IFNAR2: variants seen among roughly 807,000 people sequenced by gnomAD.
The protein encoded by IFNAR2 is interferon alpha/beta receptor 2.
Under a neutral mutation model 49.4 loss-of-function variants are expected in IFNAR2, and 30 were observed. The ratio of observed to expected loss-of-function variants is 0.61; its 90% CI spans 0.45 to 0.82. The LOEUF (loss-of-function observed/expected upper bound fraction) is 0.82. Among genes scored for constraint, IFNAR2 ranks in the 40% least tolerant of loss-of-function variants. The pLI is 0.00. For missense variants in IFNAR2, 600 were observed against 622.7 expected, an observed-to-expected ratio of 0.96 and a Z score of 0.39; for synonymous variants, 224 against 234.5, an observed-to-expected ratio of 0.96 and a Z score of 0.41.
intron 5 of IFNAR2, 54 bp from the exon 6 acceptor site, chr21:33,248,655 G>A (rs1987619319): frequency 3.3e-6 from 5 of 1,509,726 alleles, no homozygotes; most frequent in Non-Finnish European, 4.4e-6. Context: ...TAGACTTTGT[G>A]GGCCACATAT....
At chr21:33,231,061 C>T (rs1986026296) in intron 1 of IFNAR2, among the ~76,000 whole-genome samples, 1 of 151,962 alleles carries the variant, frequency 6.6e-6, no homozygotes, top group Non-Finnish European at 1.5e-5. Context: ...ACGAATATAG[C>T]ATGCTTGGGC....
chr21:33,243,833 T>C (rs1987183201), intron 3 of IFNAR2, 119 bp downstream of exon 3: 2 of 804,336 alleles, frequency 2.5e-6, no homozygotes, highest in Non-Finnish European at 4.4e-6. Flanking sequence ...TTGCCTGTTT[T>C]ATTGGGATTC....
At chr21:33,252,995 G>C in intron 7 of IFNAR2, 165 bp downstream of exon 7, 1 of 661,552 alleles carries the variant, frequency 1.5e-6, no homozygotes, top group Non-Finnish European at 2.7e-6. Flanking sequence ...TGTATGATCT[G>C]GTAGAGTCAC....
rs775409100 is a variant in IFNAR2, at chr21:33,263,026, G to C, written c.1074G>C (p.Gln358His). Reference protein sequence around the residue: ...GQASATSTESQLIDPESEEEP... With the variant: ...GQASATSTESHLIDPESEEEP... ...CCTCTGCCACCTCTACAGAATCCCA[G>C]TTGATAGACCCGGAGTCCGAGGAGG... Residue 358 changes from glutamine (Q) to histidine (H), a missense_variant, in exon 9 of 9, where the codon CAG becomes CAC. Gln to His is a conservative substitution (Grantham distance 24). Coordinates refer to ENST00000342136, the MANE Select transcript of IFNAR2 (RefSeq NM_001289125.3). The C allele has an allele frequency of 6.2e-7, 1 of 1,614,058 alleles. No individual in the cohort carries two copies. Among genetic ancestry groups the C allele is most frequent in the African/African-American group, 1.3e-5 (1 of 74,924 alleles).
At chr21:33,251,645 A>G (rs1181379071) in intron 6 of IFNAR2, 4 of 985,264 alleles carry the variant, frequency 4.1e-6, no homozygotes, top group African/African-American at 1.7e-5. Context: ...GCTGCTAGGA[A>G]TCCTCATTTA....
chr21:33,242,728 C>CAGAAAAAAAAAAA (rs1987040961), intron 2 of IFNAR2, among the ~76,000 whole-genome samples: 1 of 48,578 alleles, frequency 2.1e-5, no homozygotes, highest in Non-Finnish European at 3.7e-5. Context: ...GACTCTGTCT[C>CAGAAAAAAAAAAA]AAAAAAAAAA....
intron 3 of IFNAR2, among the ~76,000 whole-genome samples, chr21:33,244,109 A>G (rs938842817): frequency 3.3e-5 from 5 of 152,126 alleles, no homozygotes; most frequent in African/African-American, 1.2e-4. Context: ...ACTTCTTCCT[A>G]CGTATATAAA....
chr21:33,241,535 TA>T (rs1312394573), intron 1 of IFNAR2, among the ~76,000 whole-genome samples: 2 of 152,142 alleles, frequency 1.3e-5, no homozygotes, highest in African/African-American at 4.8e-5. Flanking sequence ...ATGGGGAAAT[TA>T]GGAATATGTA....
intron 7 of IFNAR2, among the ~76,000 whole-genome samples, chr21:33,257,381 CT>C (rs754854151): frequency 7.2e-5 from 11 of 152,228 alleles, no homozygotes; most frequent in Non-Finnish European, 1.3e-4. Context: ...AAGGACAAAG[CT>C]TTCACACCCT....
intron 1 of IFNAR2, among the ~76,000 whole-genome samples, chr21:33,237,909 C>T (rs1385523653): frequency 6.6e-6 from 1 of 152,082 alleles, no homozygotes; most frequent in Non-Finnish European, 1.5e-5. Context: ...GGCTGGGGGT[C>T]TAGGGGAAAG....
intron 1 of IFNAR2, among the ~76,000 whole-genome samples, chr21:33,238,518 C>A (rs969629258): frequency 6.6e-6 from 1 of 152,166 alleles, no homozygotes; most frequent in Non-Finnish European, 1.5e-5. Flanking sequence ...GGAACAAGAT[C>A]TACTGGGGCT....
At chr21:33,232,953 C>T (rs549468296) in intron 1 of IFNAR2, 2 of 983,708 alleles carry the variant, frequency 2.0e-6, no homozygotes, top group South Asian at 4.7e-5. Context: ...AAGGAAAGAA[C>T]AACGTGGATT....
chr21:33,233,991 A>G lies in IFNAR2; in HGVS notation c.-84+3775A>G, dbSNP rs1986251692. ...CTTCTTTCAAAGAATGGAATAGTAA[A>G]TATGGTATAAAATTAAAAGATGCTA... On this transcript the variant is annotated intron_variant, in intron 1 of 8. Coordinates refer to ENST00000342136, the MANE Select transcript of IFNAR2 (RefSeq NM_001289125.3). 3.3e-5 allele frequency among the ~76,000 whole-genome samples: 5 copies of G among 152,254 alleles called. No homozygotes were observed. In the South Asian group the frequency reaches 1.0e-3, roughly 32 times the overall value.
chr21:33,260,012 G>A (rs1001158250), intron 7 of IFNAR2, among the ~76,000 whole-genome samples: 9 of 152,096 alleles, frequency 5.9e-5, no homozygotes, highest in East Asian at 3.8e-4. Flanking sequence ...TTTTCAGTCT[G>A]GTCGCACTTC....
At chr21:33,261,113 T>C (rs1293136011) in intron 8 of IFNAR2, among the ~76,000 whole-genome samples, 1 of 144,278 alleles carries the variant, frequency 6.9e-6, no homozygotes, top group Non-Finnish European at 1.5e-5. Flanking sequence ...CTCAGCTGAC[T>C]GTAACCTCTG....
intron 8 of IFNAR2, among the ~76,000 whole-genome samples, chr21:33,262,029 C>G (rs916033523): frequency 3.3e-5 from 5 of 152,148 alleles, no homozygotes; most frequent in Admixed American, 3.3e-4. Flanking sequence ...GAGCAAGTTT[C>G]TTAACTTCTG....
intron 1 of IFNAR2, among the ~76,000 whole-genome samples, chr21:33,237,619 G>T (rs1420933540): frequency 6.6e-6 from 1 of 152,216 alleles, no homozygotes; most frequent in African/African-American, 2.4e-5. Context: ...CTCTGCTGTG[G>T]ATTGATTATG....
At chr21:33,244,886 TG>T (rs767874744) in intron 3 of IFNAR2, 64 bp from the exon 4 acceptor site, 163 of 1,555,926 alleles carry the variant, frequency 1.0e-4, no homozygotes, top group Non-Finnish European at 1.0e-4. Flanking sequence ...AAGAAATGAC[TG>T]AACAGTGGCC....
At chr21:33,233,981 G>A (rs955174566) in intron 1 of IFNAR2, among the ~76,000 whole-genome samples, 20 of 151,812 alleles carry the variant, frequency 1.3e-4, no homozygotes, top group African/African-American at 4.8e-4. Flanking sequence ...TTCAAAGAAT[G>A]GAATAGTAAA....
Sources: gnomAD v4.1 joint callset for allele counts (sites outside exome capture counted in the v4.1 genomes callset) on GRCh38, gnomAD v4.1.1 for gene constraint, MANE v1.5 for transcripts, NCBI Gene and HGNC (gene_info 2026-07-23, HGNC 2026-07-21) for gene names.